C2CD5: variants seen among roughly 807,000 people sequenced by gnomAD.
The protein encoded by C2CD5 is C2 calcium dependent domain containing 5.
Under a neutral mutation model 130.3 loss-of-function variants are expected in C2CD5, and 109 were observed. That is an observed-to-expected ratio of 0.84 (90% CI 0.72 to 0.98). C2CD5 has a LOEUF of 0.98. Ranked by LOEUF, C2CD5 falls within the 50% of genes least tolerant of loss-of-function variation. C2CD5 has a pLI of 0.00. For missense variants in C2CD5, 996 were observed against 1,261.8 expected (o/e 0.79, Z 3.19); for synonymous variants, 454 against 429.2 (o/e 1.06, Z -0.71).
chr12:22,509,563 T>C (rs1233574065), intron 9 of C2CD5, among the ~76,000 whole-genome samples: 2 of 152,162 alleles, frequency 1.3e-5, no homozygotes, highest in East Asian at 3.9e-4. Flanking sequence ...TAAATAAAAA[T>C]GTCATTGTTA....
intron 10 of C2CD5, chr12:22,502,666 A>G: frequency 1.3e-6 from 1 of 778,740 alleles, no homozygotes; most frequent in Non-Finnish European, 2.1e-6. Flanking sequence ...TTCATCTAGA[A>G]CATTTCTAAA....
In C2CD5 at chr12:22,513,145, T is replaced by C. The variant is rs1591930769; in HGVS notation, c.1038+149A>G. On this transcript the variant is annotated intron_variant, in intron 9 of 26. Transcript: ENST00000446597. ...GTAATTATCCATAAACAAATTACTTTGACACCTTAAATCCATTTTGGACTT... is the reference window on the plus strand; with the variant it reads ...GTAATTATCCATAAACAAATTACTTCGACACCTTAAATCCATTTTGGACTT... The C allele has an allele frequency of 2.0e-5, 10 of 500,518 alleles. 1 individual carries two copies. In the South Asian group the frequency reaches 3.8e-4, roughly 19 times the overall value. 31.0% of individuals were successfully genotyped at this position (500,518 alleles called of 1,614,324 possible).
chr12:22,524,853 A>G (rs1950590320), intron 5 of C2CD5, among the ~76,000 whole-genome samples: 1 of 152,196 alleles, frequency 6.6e-6, no homozygotes, highest in South Asian at 2.1e-4. Context: ...ATGTAAGCAA[A>G]GTAAATATAA....
chr12:22,455,940 C>T (rs1286552447), intron 25 of C2CD5, among the ~76,000 whole-genome samples: 1 of 152,196 alleles, frequency 6.6e-6, no homozygotes, highest in Admixed American at 6.5e-5. Flanking sequence ...CCGCCTCAGC[C>T]TCCCAAAGTG....
chr12:22,523,364 T>C (rs1950434407), intron 7 of C2CD5, 62 bp downstream of exon 7: 4 of 1,339,606 alleles, frequency 3.0e-6, no homozygotes, highest in East Asian at 2.4e-5. Flanking sequence ...TCAAATCAAA[T>C]GAAAAAGCAT....
intron 12 of C2CD5, among the ~76,000 whole-genome samples, chr12:22,486,202 A>G (rs932921327): frequency 6.6e-6 from 1 of 151,750 alleles, no homozygotes; most frequent in South Asian, 2.1e-4. Flanking sequence ...AAAAAAAAAA[A>G]AACACTGCAA....
intron 3 of C2CD5, chr12:22,534,776 G>T (rs993219161): frequency 5.9e-5 from 9 of 153,366 alleles, no homozygotes; most frequent in African/African-American, 2.2e-4. Flanking sequence ...GGGAGAGGAG[G>T]GAATGGGAAG....
intron 3 of C2CD5, among the ~76,000 whole-genome samples, chr12:22,530,287 T>C (rs1243882053): frequency 2.7e-5 from 4 of 149,368 alleles, no homozygotes; most frequent in African/African-American, 9.8e-5. Context: ...ACTGTGTGTG[T>C]ATATATATTT....
At chr12:22,537,443 T>G (rs1262640655) in intron 2 of C2CD5, among the ~76,000 whole-genome samples, 1 of 151,962 alleles carries the variant, frequency 6.6e-6, no homozygotes, top group African/African-American at 2.4e-5. Context: ...AAGGCTGGAG[T>G]GTGTATTTTG....
rs1356689699 is a variant in C2CD5, at chr12:22,544,360, A to C, written c.-70T>G. ...GGTGCTGTCCCGCGCGGGTGCTGAG[A>C]CCTCATTCCGGAGAGGCGGCGGGAG... On this transcript the variant is annotated 5_prime_UTR_variant, in exon 1 of 27. Coordinates refer to ENST00000446597, the MANE Select transcript of C2CD5 (RefSeq NM_001286176.2). 6 of 458,020 alleles carry C rather than the reference A, an allele frequency of 1.3e-5. No individual in the cohort carries two copies. The highest frequency in any genetic ancestry group is 2.3e-5 in the Non-Finnish European group (6 of 261,148). 28.4% of individuals were successfully genotyped at this position (458,020 alleles called of 1,614,324 possible).
intron 10 of C2CD5, among the ~76,000 whole-genome samples, chr12:22,497,063 C>T (rs1417899252): frequency 6.6e-6 from 1 of 152,080 alleles, no homozygotes; most frequent in African/African-American, 2.4e-5. Flanking sequence ...TTATTAAACT[C>T]AACCTCTTTG....
Position 22,527,830 on chromosome 12 carries a change from G to C in C2CD5, c.240C>G (p.Tyr80Ter). ...LQITVLDHDT[Y>*]SANDAIGKVY... is the part of the protein sequence containing the mutation. ...CTTTACCAATGGCATCATTTGCACT[G>C]TAAGTATCATGGTCAAGAACTGTGA... is the stretch of plus-strand genomic sequence containing the variant. Residue 80 changes from tyrosine (Y) to a stop codon, truncating the protein, a stop_gained, in exon 4 of 27, where the codon TAC becomes TAG. Coordinates refer to ENST00000446597, the MANE Select transcript of C2CD5 (RefSeq NM_001286176.2). LOFTEE classifies it high-confidence loss of function. The C allele has an allele frequency of 6.2e-7, 1 of 1,611,104 alleles. No individual in the cohort carries two copies.
intron 15 of C2CD5, among the ~76,000 whole-genome samples, chr12:22,477,012 T>C (rs1319198741): frequency 6.6e-6 from 1 of 152,146 alleles, no homozygotes; most frequent in Non-Finnish European, 1.5e-5. Flanking sequence ...TATGAATATG[T>C]TAACACATCA....
intron 2 of C2CD5, among the ~76,000 whole-genome samples, chr12:22,536,487 AAT>A (rs1951825968): frequency 1.3e-5 from 2 of 152,224 alleles, no homozygotes; most frequent in Non-Finnish European, 2.9e-5. Flanking sequence ...CCCCACCAAA[AAT>A]ATAGTCATTC....
At chr12:22,452,512 G>T (rs1041911567) in intron 26 of C2CD5, among the ~76,000 whole-genome samples, 2 of 152,204 alleles carry the variant, frequency 1.3e-5, no homozygotes, top group East Asian at 1.9e-4. Context: ...TGAGCTTTTA[G>T]ATATGCCCCA....
chr12:22,456,312 G>C (rs915073112), intron 25 of C2CD5, among the ~76,000 whole-genome samples: 1 of 152,224 alleles, frequency 6.6e-6, no homozygotes, highest in Non-Finnish European at 1.5e-5. Flanking sequence ...ATATTAATTT[G>C]CTTGGTAGCC....
chr12:22,530,076 C>CCA (rs1426076611), intron 3 of C2CD5, among the ~76,000 whole-genome samples: 118 of 77,290 alleles, frequency 1.5e-3, no homozygotes, highest in Middle Eastern at 7.6e-3. Flanking sequence ...TATTTGAGTG[C>CCA]TATATATATA....
At position 22,544,537 on chromosome 12, in the gene C2CD5, T is replaced by C; in HGVS notation, c.-247A>G. On this transcript the variant is annotated 5_prime_UTR_variant, in exon 1 of 27. It removes an upstream start codon present in the reference 5' UTR. Coordinates refer to ENST00000446597, the MANE Select transcript of C2CD5 (RefSeq NM_001286176.2). The stretch of plus-strand genomic sequence containing the variant: ...GGCTCTCGGGGCGCGGAAGAAAGCA[T>C]CGATCGTTCGGCGCTCTGCCCACTT... 1 of 185,306 alleles carries C rather than the reference T, an allele frequency of 5.4e-6. No homozygotes were observed. The highest frequency in any genetic ancestry group is 1.1e-5 in the Non-Finnish European group (1 of 90,174). 11.5% of individuals were successfully genotyped at this position (185,306 alleles called of 1,614,324 possible).
At chr12:22,480,011 T>C (rs1944469912) in intron 14 of C2CD5, among the ~76,000 whole-genome samples, 1 of 152,208 alleles carries the variant, frequency 6.6e-6, no homozygotes, top group African/African-American at 2.4e-5. Flanking sequence ...GAAATCTGCA[T>C]AGTAGATAAA....
Sources: allele counts gnomAD v4.1 joint callset (sites outside exome capture counted in the v4.1 genomes callset), GRCh38; gene constraint gnomAD v4.1.1; transcripts MANE v1.5; gene names NCBI Gene and HGNC (gene_info 2026-07-23, HGNC 2026-07-21).